SEC14L1: variants seen among roughly 807,000 people sequenced by gnomAD.
SEC14L1 encodes the protein SEC14-like protein 1.
A neutral mutation model predicts 85.3 loss-of-function variants in SEC14L1; 48 were observed. The ratio of observed to expected loss-of-function variants is 0.56; its 90% CI spans 0.45 to 0.72. The LOEUF (loss-of-function observed/expected upper bound fraction) is 0.72, where lower values mean the gene tolerates loss of function less well. Ranked by LOEUF, SEC14L1 falls within the 30% of genes least tolerant of loss-of-function variation. The pLI is 0.00. For synonymous variants in SEC14L1, 391 were observed against 355.5 expected (o/e 1.10, Z -1.12); for missense variants, 682 against 921.4 (o/e 0.74, Z 3.36).
chr17:77,163,618 C>G (rs1245075086), intron 3 of SEC14L1, among the ~76,000 whole-genome samples: 1 of 152,218 alleles, frequency 6.6e-6, no homozygotes, highest in Non-Finnish European at 1.5e-5. Context: ...TGTTCACTTG[C>G]AGAGAGCAGA....
chr17:77,183,943 G>A (rs1415399746), intron 3 of SEC14L1, among the ~76,000 whole-genome samples: 1 of 151,966 alleles, frequency 6.6e-6, no homozygotes, highest in Non-Finnish European at 1.5e-5. Context: ...GCGCCACCAC[G>A]CCCGGCTAAT....
chr17:77,121,647 G>A (rs940124371), intron 3 of SEC14L1, among the ~76,000 whole-genome samples: 4 of 152,288 alleles, frequency 2.6e-5, no homozygotes, highest in Non-Finnish European at 5.9e-5. Context: ...GTGAGCCACC[G>A]CACCCGGCCC....
rs78977258 is a variant in SEC14L1, at chr17:77,215,062, C to CGT, written c.*1051_*1052dup. 2.7e-5 allele frequency: 27 copies of CGT among 982,648 alleles called. No homozygotes were observed. The highest frequency in any genetic ancestry group is 1.1e-4 in the East Asian group (1 of 8,768). The allele number at this position is 982,648 out of a possible 1,614,324, so 60.9% of individuals were successfully genotyped here. Reference sequence around the variant, plus strand: ...TGTACATGGGAATTGTGGACTCATGCGTGTGTGTGTGTGCATGTGCTGTGT... The same window carrying CGT: ...TGTACATGGGAATTGTGGACTCATGCGTGTGTGTGTGTGTGCATGTGCTGTGT... On this transcript the variant is annotated 3_prime_UTR_variant, in exon 17 of 17. Coordinates refer to ENST00000436233, the MANE Select transcript of SEC14L1 (RefSeq NM_001143998.2).
chr17:77,187,969 T>C (rs1399011787), intron 3 of SEC14L1, among the ~76,000 whole-genome samples: 1 of 152,174 alleles, frequency 6.6e-6, no homozygotes, highest in Non-Finnish European at 1.5e-5. Context: ...GGTCTCAAAC[T>C]CCTGGGCTCA....
chr17:77,115,128 T>C (rs1320195622), intron 3 of SEC14L1, among the ~76,000 whole-genome samples: 1 of 152,026 alleles, frequency 6.6e-6, no homozygotes, highest in Non-Finnish European at 1.5e-5. Context: ...AGCTGTGTAT[T>C]TTGTTTAAAG....
chr17:77,177,460 A>G (rs906454579), intron 3 of SEC14L1, among the ~76,000 whole-genome samples: 3 of 151,460 alleles, frequency 2.0e-5, no homozygotes, highest in Non-Finnish European at 2.9e-5. Flanking sequence ...AGTGTTAACA[A>G]AAGTTTCCAG....
intron 3 of SEC14L1, among the ~76,000 whole-genome samples, chr17:77,173,546 T>G (rs941955837): frequency 2.6e-5 from 4 of 152,128 alleles, no homozygotes; most frequent in African/African-American, 9.7e-5. Context: ...GACAGGCCCC[T>G]GCCGTCAGCA....
At chr17:77,139,768 G>A (rs1015073308), upstream of SEC14L1, among the ~76,000 whole-genome samples, 6 of 152,086 alleles carry the variant, frequency 3.9e-5, no homozygotes, top group South Asian at 2.1e-4. Flanking sequence ...AAAGTGCTGA[G>A]ATTACAGGCG....
chr17:77,108,520 T>C (rs1037281464), intron 3 of SEC14L1, among the ~76,000 whole-genome samples: 11 of 152,074 alleles, frequency 7.2e-5, no homozygotes, highest in Non-Finnish European at 1.5e-4. Context: ...GCAGATGGCT[T>C]GAGGTCAGGA....
Position 77,206,337 on chromosome 17 carries a change from T to C in SEC14L1, c.1278T>C (p.Pro426=), listed in dbSNP as rs1264486093. 3 of 1,614,118 alleles carry C rather than the reference T, an allele frequency of 1.9e-6. No homozygotes were observed. The highest frequency in any genetic ancestry group is 4.5e-5 in the East Asian group (2 of 44,866). The change falls in exon 12 of 17, where the codon CCT becomes CCC. Residue 426 remains proline, a synonymous_variant. Transcript: ENST00000436233. This position sits in a 1 kb window ranked among gnomAD's most constrained non-coding sequence, Gnocchi z 4.3. ...RIIEVVEANY[P]ETLGRLLILR... ...TCGAGGTGGTGGAGGCCAACTACCCTGAGACACTGGGCCGCCTTCTCATCC... is the reference window on the plus strand; with the variant it reads ...TCGAGGTGGTGGAGGCCAACTACCCCGAGACACTGGGCCGCCTTCTCATCC...
At chr17:77,119,773 A>G (rs1972253883) in intron 3 of SEC14L1, among the ~76,000 whole-genome samples, 1 of 152,198 alleles carries the variant, frequency 6.6e-6, no homozygotes, top group Non-Finnish European at 1.5e-5. Context: ...CCTGGATTAC[A>G]TAAACCCACC....
At chr17:77,091,814 A>ATT (rs55839227) in intron 2 of SEC14L1, among the ~76,000 whole-genome samples, 5 of 144,784 alleles carry the variant, frequency 3.5e-5, no homozygotes, top group East Asian at 2.0e-4. Context: ...AGTTTATGAA[A>ATT]TTTTTTTTTT....
At chr17:77,142,445 C>T (rs1973099040) in intron 1 of SEC14L1, among the ~76,000 whole-genome samples, 1 of 151,414 alleles carries the variant, frequency 6.6e-6, no homozygotes, top group Middle Eastern at 3.4e-3. Flanking sequence ...GTGGTCCCAG[C>T]TACTTGGGAG....
chr17:77,137,589 C>T (rs1261581874), upstream of SEC14L1, among the ~76,000 whole-genome samples: 1 of 152,200 alleles, frequency 6.6e-6, no homozygotes, highest in African/African-American at 2.4e-5. Context: ...CAGACTATCT[C>T]AGGGCCTACA....
chr17:77,180,306 G>C (rs557326923), intron 3 of SEC14L1, among the ~76,000 whole-genome samples: 1 of 150,920 alleles, frequency 6.6e-6, no homozygotes, highest in African/African-American at 2.4e-5. Flanking sequence ...GGCCAGGCTG[G>C]TCTCTTAACT....
intron 3 of SEC14L1, among the ~76,000 whole-genome samples, chr17:77,124,988 ATTATTATTATTT>A (rs75148971): frequency 0.25 from 27,264 of 107,562 alleles, 2,873 homozygotes; most frequent in Middle Eastern, 0.36. Context: ...TATTATTATT[ATTATTATTATTT>A]TTATTATTAT....
At chr17:77,111,415 CAG>C (rs1210763834) in intron 3 of SEC14L1, among the ~76,000 whole-genome samples, 1 of 142,936 alleles carries the variant, frequency 7.0e-6, no homozygotes, top group Non-Finnish European at 1.5e-5. Context: ...TTTTTTGAGA[CAG>C]AGTCTCGCTT....
intron 3 of SEC14L1, among the ~76,000 whole-genome samples, chr17:77,174,661 G>A: frequency 6.6e-6 from 1 of 152,140 alleles, no homozygotes; most frequent in East Asian, 1.9e-4. Context: ...ACGAGGCAGT[G>A]GGACCTGTCT....
chr17:77,179,589 G>GT (rs1974917641), intron 3 of SEC14L1, among the ~76,000 whole-genome samples: 1 of 152,190 alleles, frequency 6.6e-6, no homozygotes. Context: ...GAACCATGGA[G>GT]TTTGAGGTCT....
Sources: gnomAD v4.1 joint callset for allele counts (sites outside exome capture counted in the v4.1 genomes callset) on GRCh38, gnomAD v4.1.1 for gene constraint, Gnocchi (gnomAD v3.1) non-coding constraint, MANE v1.5 for transcripts, NCBI Gene and HGNC (gene_info 2026-07-23, HGNC 2026-07-21) for gene names.